Variants in FGD6 observed in about 807,000 individuals in gnomAD.
FGD6 encodes the protein FYVE, RhoGEF and PH domain containing 6.
In FGD6, 90 loss-of-function variants were observed where a neutral mutation model predicts 149.4. That is an observed-to-expected ratio of 0.60 (90% CI 0.51 to 0.72). The LOEUF is 0.72. Among genes scored for constraint, FGD6 ranks in the 30% least tolerant of loss-of-function variants. The pLI, the probability that FGD6 is intolerant of heterozygous loss-of-function variation, is 0.00. For missense variants in FGD6, 1,437 were observed against 1,684.8 expected (o/e 0.85, Z 2.57); for synonymous variants, 527 against 584.0 (o/e 0.90, Z 1.41).
chr12:95,161,312 A>G (rs1483219623), intron 3 of FGD6, among the ~76,000 whole-genome samples: 1 of 152,180 alleles, frequency 6.6e-6, no homozygotes, highest in African/African-American at 2.4e-5. Context: ...CCTGGCCAAC[A>G]TGGTAAAACC....
chr12:95,128,318 C>A (rs1025812033), intron 8 of FGD6, among the ~76,000 whole-genome samples: 1 of 152,132 alleles, frequency 6.6e-6, no homozygotes, highest in African/African-American at 2.4e-5. Context: ...CTGATTGCAG[C>A]CTTGAACTCT....
intron 2 of FGD6, among the ~76,000 whole-genome samples, chr12:95,205,536 A>G (rs1261821522): frequency 6.6e-6 from 1 of 152,192 alleles, no homozygotes; most frequent in Non-Finnish European, 1.5e-5. Context: ...ACTTTTTCTT[A>G]TCATTTTAGA....
intron 7 of FGD6, among the ~76,000 whole-genome samples, chr12:95,137,150 G>A (rs148983592): frequency 2.6e-5 from 4 of 152,138 alleles, no homozygotes; most frequent in Non-Finnish European, 5.9e-5. Context: ...GTGGTGGCAC[G>A]TGCTTGTAAT....
chr12:95,208,848 A>T lies in FGD6; in HGVS notation c.2436T>A (p.His812Gln), dbSNP rs746556365. The change falls in exon 2 of 21, where the codon CAT (histidine) becomes CAA (glutamine). Residue 812 changes from histidine (H) to glutamine (Q), a missense_variant. Coordinates refer to ENST00000343958, the MANE Select transcript of FGD6 (RefSeq NM_018351.4). ...GQLQLGPRHQ[H>Q]SSSGASQEEQ... ...GTCTGTCTGGCACCTGTTACCTGGAATGCTGATGTCTGGGTCCAAGCTGCA... is the reference window on the plus strand; with the variant it reads ...GTCTGTCTGGCACCTGTTACCTGGATTGCTGATGTCTGGGTCCAAGCTGCA... 1.2e-6 allele frequency: 2 copies of T among 1,611,026 alleles called. No individual in the cohort carries two copies. Among genetic ancestry groups the T allele is most frequent in the Non-Finnish European group, 1.7e-6 (2 of 1,178,052 alleles).
chr12:95,084,668 G>C, intron 19 of FGD6, 22 bp from the exon 20 acceptor site: 1 of 1,543,000 alleles, frequency 6.5e-7, no homozygotes, highest in Non-Finnish European at 8.7e-7. Context: ...ACATACAAAT[G>C]GAGAAAAGTT....
At chr12:95,090,619 T>C (rs1223430653) in intron 17 of FGD6, among the ~76,000 whole-genome samples, 2 of 152,198 alleles carry the variant, frequency 1.3e-5, no homozygotes, top group African/African-American at 4.8e-5. Context: ...TTATACCATA[T>C]ACCCAGACTA....
chr12:95,200,414 T>G (rs549422044), intron 2 of FGD6, among the ~76,000 whole-genome samples: 1 of 151,762 alleles, frequency 6.6e-6, no homozygotes, highest in Non-Finnish European at 1.5e-5. Context: ...AATGGGAGAG[T>G]CTGGTAAACA....
At chr12:95,194,644 G>A (rs1472476372) in intron 2 of FGD6, among the ~76,000 whole-genome samples, 1 of 152,038 alleles carries the variant, frequency 6.6e-6, no homozygotes, top group Non-Finnish European at 1.5e-5. Context: ...GGACAAGAGG[G>A]GTCTTGGTGG....
chr12:95,140,261 T>C (rs1879804292), intron 6 of FGD6, among the ~76,000 whole-genome samples: 1 of 152,254 alleles, frequency 6.6e-6, no homozygotes, highest in South Asian at 2.1e-4. Context: ...CTCTGCATAC[T>C]TATTTTCTTC....
rs1183265445 is a variant in FGD6, at chr12:95,079,190, T to C, written c.*2330A>G. ...AAAGGGGCAGGGGAATGTAATACTA[T>C]TCCACATTTAAAACATCTTTTTGGG... On this transcript the variant is annotated 3_prime_UTR_variant, in exon 21 of 21. Transcript: ENST00000343958. 3.9e-5 allele frequency: 6 copies of C among 152,236 alleles called. No homozygotes were observed. 9.4% of individuals were successfully genotyped at this position (152,236 alleles called of 1,614,324 possible).
At chr12:95,183,984 C>T (rs1366166084) in intron 2 of FGD6, among the ~76,000 whole-genome samples, 1 of 152,168 alleles carries the variant, frequency 6.6e-6, no homozygotes, top group African/African-American at 2.4e-5. Flanking sequence ...TTGTGTTTAC[C>T]TAAGTATATT....
At chr12:95,145,965 C>T (rs952147318) in intron 5 of FGD6, among the ~76,000 whole-genome samples, 9 of 152,166 alleles carry the variant, frequency 5.9e-5, no homozygotes, top group Non-Finnish European at 1.3e-4. Context: ...CGAGCCACTG[C>T]GCCAGGCCCC....
At chr12:95,082,692 C>T (rs1877718956) in intron 20 of FGD6, among the ~76,000 whole-genome samples, 1 of 148,150 alleles carries the variant, frequency 6.7e-6, no homozygotes, top group Non-Finnish European at 1.5e-5. Flanking sequence ...CAAAGTTTCA[C>T]AGACATCTTT....
chr12:95,118,737 G>A (rs1879099086), intron 8 of FGD6, among the ~76,000 whole-genome samples: 1 of 152,154 alleles, frequency 6.6e-6, no homozygotes, highest in African/African-American at 2.4e-5. Context: ...CCATAAATAT[G>A]TAGTGGGATC....
intron 14 of FGD6, among the ~76,000 whole-genome samples, chr12:95,099,152 T>C (rs890271848): frequency 2.6e-5 from 4 of 152,236 alleles, no homozygotes; most frequent in African/African-American, 9.6e-5. Context: ...GTTGGGATTA[T>C]AGGCGTGAGC....
intron 2 of FGD6, among the ~76,000 whole-genome samples, chr12:95,177,943 T>TTATTTATC (rs1881180869): frequency 6.6e-6 from 1 of 151,000 alleles, no homozygotes. Flanking sequence ...ATTTATTTAT[T>TTATTTATC]GGTACAGACA....
chr12:95,194,852 C>T (rs1881697957), intron 2 of FGD6, among the ~76,000 whole-genome samples: 1 of 152,160 alleles, frequency 6.6e-6, no homozygotes, highest in Admixed American at 6.5e-5. Context: ...CTGAAGCAGA[C>T]TAGTTTCTCT....
rs1415214657 is a variant in FGD6, at chr12:95,091,859, TTTC to T, written c.3748-53_3748-51del. 5 of 1,372,412 alleles carry T rather than the reference TTTC, an allele frequency of 3.6e-6. No individual in the cohort carries two copies. In the East Asian group the frequency reaches 1.1e-4, roughly 32 times the overall value. The allele number at this position is 1,372,412 out of a possible 1,614,324, so 85.0% of individuals were successfully genotyped here. A position where few individuals can be genotyped will look rare whatever the true frequency, so the allele number is the denominator to read the frequency against. ...ATTAATTTCATTAGAATAACTTGTG[TTTC>T]TACACCATAAAGTATGTTACAATTT... On this transcript the variant is annotated intron_variant, in intron 16 of 20. Coordinates refer to ENST00000343958, the MANE Select transcript of FGD6 (RefSeq NM_018351.4).
chr12:95,164,706 C>A (rs1880746354), intron 3 of FGD6, among the ~76,000 whole-genome samples: 1 of 152,148 alleles, frequency 6.6e-6, no homozygotes, highest in African/African-American at 2.4e-5. Context: ...GCTGGGATTA[C>A]AGGCAGGAGG....
Sources: allele counts gnomAD v4.1 joint callset (sites outside exome capture counted in the v4.1 genomes callset), GRCh38; gene constraint gnomAD v4.1.1; transcripts MANE v1.5; gene names NCBI Gene and HGNC (gene_info 2026-07-23, HGNC 2026-07-21).